The following SIL1 variants were observed in gnomAD, a reference collection of about 807,000 sequenced individuals.
SIL1 encodes the protein nucleotide exchange factor SIL1.
Under a neutral mutation model 49.1 loss-of-function variants are expected in SIL1, and 40 were observed. That is an observed-to-expected ratio of 0.81 (90% CI 0.63 to 1.06). The LOEUF is 1.06. Among genes scored for constraint, SIL1 ranks in the 50% least tolerant of loss-of-function variants. The pLI is 0.00. For missense variants in SIL1, 500 were observed against 572.6 expected, an observed-to-expected ratio of 0.87 and a Z score of 1.29; for synonymous variants, 253 against 250.8, an observed-to-expected ratio of 1.01 and a Z score of -0.08.
At chr5:139,098,942 G>C (rs761911155) in intron 3 of SIL1, among the ~76,000 whole-genome samples, 4 of 149,138 alleles carry the variant, frequency 2.7e-5, no homozygotes, top group Admixed American at 6.8e-5. Context: ...TCAGCCTCCT[G>C]AGTAGCTGGG....
chr5:139,175,334 CAA>C lies in SIL1; in HGVS notation c.-11+22933_-11+22934del, dbSNP rs112810249. 4.3e-3 allele frequency among the ~76,000 whole-genome samples: 640 copies of C among 150,306 alleles called. 2 individuals carry two copies. The highest frequency in any genetic ancestry group is 0.015 in the African/African-American group (613 of 41,038). ...GAAGCTCCATCTCAAAACAAACAAA[CAA>C]AAAAAAAGAGTGTACTATGAGCAGG... On this transcript the variant is annotated intron_variant, in intron 1 of 9. Coordinates refer to ENST00000394817, the MANE Select transcript of SIL1 (RefSeq NM_022464.5).
intron 3 of SIL1, among the ~76,000 whole-genome samples, chr5:139,068,292 A>G (rs1769750452): frequency 6.6e-6 from 1 of 152,218 alleles, no homozygotes; most frequent in Non-Finnish European, 1.5e-5. Context: ...AGTAGCTGAT[A>G]GGCATTCACT....
intron 4 of SIL1, among the ~76,000 whole-genome samples, chr5:139,047,334 C>G (rs547452919): frequency 2.6e-5 from 4 of 152,352 alleles, no homozygotes; most frequent in Admixed American, 2.0e-4. Flanking sequence ...TGAAATAAGG[C>G]AGTGCTAAAG....
chr5:139,095,022 C>T (rs925103492), intron 3 of SIL1, among the ~76,000 whole-genome samples: 1 of 152,138 alleles, frequency 6.6e-6, no homozygotes, highest in Non-Finnish European at 1.5e-5. Context: ...TAAAGTGTCC[C>T]TTTGTCTCAT....
chr5:139,081,618 C>T (rs1455998808), intron 3 of SIL1, among the ~76,000 whole-genome samples: 1 of 152,186 alleles, frequency 6.6e-6, no homozygotes, highest in Non-Finnish European at 1.5e-5. Flanking sequence ...GTGGCTCACA[C>T]CTGTAATCCC....
intron 1 of SIL1, among the ~76,000 whole-genome samples, chr5:139,164,677 C>T (rs1160543558): frequency 2.6e-5 from 4 of 152,212 alleles, no homozygotes; most frequent in Admixed American, 2.6e-4. Flanking sequence ...TCAGTACACA[C>T]TTATTCAGAT....
intron 1 of SIL1, among the ~76,000 whole-genome samples, chr5:139,196,737 G>A (rs1163327141): frequency 6.6e-6 from 1 of 152,170 alleles, no homozygotes; most frequent in African/African-American, 2.4e-5. Flanking sequence ...GGAAATAAAT[G>A]TGGTGTGGTA....
chr5:138,966,844 A>G (rs1767155287), intron 7 of SIL1, among the ~76,000 whole-genome samples: 2 of 152,242 alleles, frequency 1.3e-5, no homozygotes, highest in African/African-American at 4.8e-5. Flanking sequence ...TAGCAGAGTC[A>G]TGAAAGCTCT....
At chr5:139,113,170 A>G (rs1193190058) in intron 3 of SIL1, among the ~76,000 whole-genome samples, 1 of 152,076 alleles carries the variant, frequency 6.6e-6, no homozygotes, top group Non-Finnish European at 1.5e-5. Context: ...GGAAGGCCGC[A>G]GGGTCCTCTG....
Position 139,143,336 on chromosome 5 carries a change from CACACACACAT to C in SIL1, c.-10-15493_-10-15484del, listed in dbSNP as rs1201737597. Among the ~76,000 whole-genome samples, 478 of 80,430 alleles carry C rather than the reference CACACACACAT, an allele frequency of 5.9e-3. 5 individuals carry two copies. Among genetic ancestry groups the C allele is most frequent in the African/African-American group, 0.022 (358 of 16,074 alleles). The allele number at this position is 80,430 out of a possible 152,430, so 52.8% of individuals were successfully genotyped here. A position where few individuals can be genotyped will look rare whatever the true frequency, so the allele number is the denominator to read the frequency against. On this transcript the variant is annotated intron_variant, in intron 1 of 9. Coordinates refer to ENST00000394817, the MANE Select transcript of SIL1 (RefSeq NM_022464.5). The stretch of plus-strand genomic sequence containing the variant: ...ACACACACACACACACACACACACA[CACACACACAT>C]ATATATATATATATATATATGGTTT...
chr5:139,074,002 G>C (rs115837500), intron 3 of SIL1, among the ~76,000 whole-genome samples: 231 of 152,236 alleles, frequency 1.5e-3, no homozygotes, highest in African/African-American at 5.3e-3. Flanking sequence ...AACTATGTGA[G>C]GTAATGCATA....
At chr5:138,960,835 G>A (rs1006081300) in intron 7 of SIL1, among the ~76,000 whole-genome samples, 1 of 152,152 alleles carries the variant, frequency 6.6e-6, no homozygotes, top group South Asian at 2.1e-4. Flanking sequence ...TTCCTGAAAC[G>A]CAGACTTCCT....
intron 1 of SIL1, among the ~76,000 whole-genome samples, chr5:139,128,542 G>A (rs1296208934): frequency 6.6e-6 from 1 of 151,898 alleles, no homozygotes; most frequent in African/African-American, 2.4e-5. Flanking sequence ...CCAACTATGT[G>A]GAAGGCTGAG....
At chr5:138,971,885 C>T (rs556441667) in intron 7 of SIL1, among the ~76,000 whole-genome samples, 7 of 152,084 alleles carry the variant, frequency 4.6e-5, no homozygotes, top group East Asian at 1.9e-4. Context: ...CCAGGGCCCA[C>T]GGCACACTCT....
intron 1 of SIL1, among the ~76,000 whole-genome samples, chr5:139,153,067 CT>C (rs1751338754): frequency 6.6e-6 from 1 of 152,190 alleles, no homozygotes; most frequent in African/African-American, 2.4e-5. Context: ...ATCCGCCCCC[CT>C]TGGCCTCCCA....
intron 3 of SIL1, among the ~76,000 whole-genome samples, chr5:139,073,263 C>T (rs1249374931): frequency 2.0e-5 from 3 of 152,192 alleles, no homozygotes; most frequent in Non-Finnish European, 4.4e-5. Context: ...CCCATGTTTA[C>T]TACGTTATTC....
At chr5:139,021,368 G>A (rs1183973627) in intron 6 of SIL1, 76 bp from the exon 7 acceptor site, 2 of 1,575,720 alleles carry the variant, frequency 1.3e-6, no homozygotes, top group East Asian at 4.6e-5. Flanking sequence ...TTCTTTTGGT[G>A]ACTACCCAAA....
Position 139,055,941 on chromosome 5 carries a change from G to A in SIL1, c.245-4895C>T, listed in dbSNP as rs1045358756. ...GCCAGCCTCGACCTCCCGAAGTGCC[G>A]GGATTGCAGACAGAGTCTCCTTCAC... On this transcript the variant is annotated intron_variant, in intron 3 of 9. Transcript: ENST00000394817. Among the ~76,000 whole-genome samples the A allele has an allele frequency of 3.6e-4, 55 of 152,172 alleles. 1 individual carries two copies. The highest frequency in any genetic ancestry group is 1.1e-3 in the African/African-American group (45 of 41,522).
chr5:139,188,308 C>T (rs144272474), intron 1 of SIL1, among the ~76,000 whole-genome samples: 1 of 152,280 alleles, frequency 6.6e-6, no homozygotes, highest in African/African-American at 2.4e-5. Context: ...AGCAACAAAA[C>T]TAGGTAAAAA....
Sources: gnomAD v4.1 joint callset for allele counts (sites outside exome capture counted in the v4.1 genomes callset) on GRCh38, gnomAD v4.1.1 for gene constraint, MANE v1.5 for transcripts, NCBI Gene and HGNC (gene_info 2026-07-23, HGNC 2026-07-21) for gene names.